GRID2: variants seen among roughly 807,000 people sequenced by gnomAD.
The protein encoded by GRID2 is glutamate receptor ionotropic, delta-2.
Under a neutral mutation model 114.8 loss-of-function variants are expected in GRID2, and 33 were observed. The observed-to-expected ratio is 0.29, with a 90% confidence interval of 0.22 to 0.38. The LOEUF is 0.38. Among genes scored for constraint, GRID2 ranks in the 10% least tolerant of loss-of-function variants. The probability of loss-of-function intolerance (pLI) is 1.00; values close to 1 mark genes in which losing one functional copy is unlikely to be tolerated. For missense variants in GRID2, 1,184 were observed against 1,257.7 expected (o/e 0.94, Z 0.89); for synonymous variants, 505 against 449.9 (o/e 1.12, Z -1.55).
chr4:93,587,899 A>G (rs1396791266), intron 13 of GRID2, among the ~76,000 whole-genome samples: 1 of 152,114 alleles, frequency 6.6e-6, no homozygotes, highest in East Asian at 1.9e-4. Context: ...AACATTTTGC[A>G]TATTATTAAA....
chr4:93,456,005 A>G (rs1723154661), intron 11 of GRID2, 31 bp downstream of exon 11: 2 of 1,248,372 alleles, frequency 1.6e-6, no homozygotes, highest in Admixed American at 3.4e-5. Context: ...CTAGTATTTA[A>G]AAAAAATAGA....
intron 1 of GRID2, among the ~76,000 whole-genome samples, chr4:92,473,149 A>T (rs761581712): frequency 6.6e-6 from 1 of 152,084 alleles, no homozygotes; most frequent in African/African-American, 2.4e-5. Flanking sequence ...TGAAAAGGCT[A>T]TGCTTTCTTC....
chr4:92,755,279 CTTT>C (rs1737658412), intron 2 of GRID2, among the ~76,000 whole-genome samples: 1 of 152,080 alleles, frequency 6.6e-6, no homozygotes, highest in Admixed American at 6.6e-5. Flanking sequence ...AAAAAAATAA[CTTT>C]TTTGGCAGGT....
At position 92,439,172 on chromosome 4, in the gene GRID2, G is replaced by C. The variant is rs535166888; in HGVS notation, c.88+134428G>C. ...GAGTGGGGGTTGCAAGTTGCTCAGT[G>C]GGGGTGCTTTTTGAGCCAGGATGAG... On this transcript the variant is annotated intron_variant, in intron 1 of 15. Coordinates refer to ENST00000282020, the MANE Select transcript of GRID2 (RefSeq NM_001510.4). Among the ~76,000 whole-genome samples the C allele has an allele frequency of 1.0e-3, 157 of 152,086 alleles. 1 individual carries two copies. The highest frequency in any genetic ancestry group is 3.7e-3 in the African/African-American group (154 of 41,462).
intron 12 of GRID2, among the ~76,000 whole-genome samples, chr4:93,507,425 C>A (rs1435076115): frequency 6.6e-6 from 1 of 152,196 alleles, no homozygotes; most frequent in Non-Finnish European, 1.5e-5. Context: ...TCTCCTTCCT[C>A]CTCATTATCT....
intron 2 of GRID2, among the ~76,000 whole-genome samples, chr4:92,740,686 TAGATGATAGATAGATAGATA>T (rs1485120302): frequency 3.9e-5 from 3 of 76,410 alleles, no homozygotes; most frequent in African/African-American, 1.3e-4. Context: ...GATAGATAGA[TAGATGATAGATAGATAGATA>T]GATAGATAGA....
Position 92,582,205 on chromosome 4 carries a change from A to G in GRID2, c.89-7926A>G, listed in dbSNP as rs532536518. Among the ~76,000 whole-genome samples, 130 of 151,860 alleles carry G rather than the reference A, an allele frequency of 8.6e-4. 1 individual carries two copies. The highest frequency in any genetic ancestry group is 2.9e-3 in the African/African-American group (121 of 41,500). ...TCAATAACTTTATATATTTTATACA[A>G]TTTTTATTTTATATTTTATTGTCAC... is the stretch of plus-strand genomic sequence containing the variant. On this transcript the variant is annotated intron_variant, in intron 1 of 15. Coordinates refer to ENST00000282020, the MANE Select transcript of GRID2 (RefSeq NM_001510.4).
At chr4:92,960,529 T>G (rs1037554177) in intron 2 of GRID2, among the ~76,000 whole-genome samples, 11 of 152,140 alleles carry the variant, frequency 7.2e-5, no homozygotes, top group East Asian at 1.9e-4. Flanking sequence ...TTATCTCTGA[T>G]ACTATCCTTG....
At chr4:93,244,162 A>C (rs13146759) in intron 8 of GRID2, among the ~76,000 whole-genome samples, 3 of 151,718 alleles carry the variant, frequency 2.0e-5, no homozygotes, top group Admixed American at 2.0e-4. Context: ...TGCAGACTGA[A>C]TTCCAGTATT....
chr4:92,334,119 C>A (rs959648451), intron 1 of GRID2, among the ~76,000 whole-genome samples: 2 of 152,172 alleles, frequency 1.3e-5, no homozygotes, highest in Non-Finnish European at 2.9e-5. Context: ...TTCTTTGCTA[C>A]TTTATAACAA....
At chr4:92,831,537 T>G (rs1742102609) in intron 2 of GRID2, among the ~76,000 whole-genome samples, 1 of 151,196 alleles carries the variant, frequency 6.6e-6, no homozygotes, top group Non-Finnish European at 1.5e-5. Flanking sequence ...GCAAGTTAAC[T>G]GGCAGAAAGC....
At chr4:93,451,680 A>G (rs548258244) in intron 10 of GRID2, among the ~76,000 whole-genome samples, 17 of 152,246 alleles carry the variant, frequency 1.1e-4, no homozygotes, top group Middle Eastern at 3.4e-3. Context: ...GGTAGATTTC[A>G]GGTAGTCTTA....
chr4:92,683,074 C>T (rs1048638236), intron 2 of GRID2, among the ~76,000 whole-genome samples: 6 of 152,014 alleles, frequency 3.9e-5, no homozygotes, highest in South Asian at 2.1e-4. Flanking sequence ...CCAAGGCGGG[C>T]GGATCACAAG....
At chr4:93,805,946 A>G (rs1411241176) in intron 1 of GRID2, among the ~76,000 whole-genome samples, 1 of 152,020 alleles carries the variant, frequency 6.6e-6, no homozygotes, top group African/African-American at 2.4e-5. Context: ...AAAATACAAA[A>G]ATTAGCCGGG....
intron 14 of GRID2, among the ~76,000 whole-genome samples, chr4:93,663,627 G>A (rs929139147): frequency 1.5e-4 from 23 of 152,194 alleles, no homozygotes; most frequent in Admixed American, 6.5e-4. Flanking sequence ...ATCAGGCAGT[G>A]CTTCATGAAG....
intron 11 of GRID2, among the ~76,000 whole-genome samples, chr4:93,479,677 A>G (rs956700889): frequency 4.9e-4 from 74 of 152,200 alleles, no homozygotes; most frequent in African/African-American, 1.7e-3. Flanking sequence ...ACTGTGTTTT[A>G]GCTCCAGGAG....
At chr4:93,254,402 T>C (rs1410801148) in intron 8 of GRID2, among the ~76,000 whole-genome samples, 1 of 152,134 alleles carries the variant, frequency 6.6e-6, no homozygotes, top group Non-Finnish European at 1.5e-5. Flanking sequence ...ATAATCACCC[T>C]GAGTAAGTCA....
intron 1 of GRID2, among the ~76,000 whole-genome samples, chr4:92,379,543 C>A (rs757311201): frequency 2.6e-5 from 4 of 151,986 alleles, no homozygotes; most frequent in Middle Eastern, 6.8e-3. Flanking sequence ...AATAATTAAA[C>A]CTCATGTTAA....
At chr4:93,206,272 T>G (rs1742764628) in intron 4 of GRID2, among the ~76,000 whole-genome samples, 1 of 151,960 alleles carries the variant, frequency 6.6e-6, no homozygotes, top group Non-Finnish European at 1.5e-5. Context: ...TGAAAAAACA[T>G]TGAGTCACAT....
Sources: allele counts gnomAD v4.1 joint callset (sites outside exome capture counted in the v4.1 genomes callset), GRCh38; gene constraint gnomAD v4.1.1; transcripts MANE v1.5; gene names NCBI Gene and HGNC (gene_info 2026-07-23, HGNC 2026-07-21).